Variants in ABCA3 observed in about 807,000 individuals in gnomAD.
The protein encoded by ABCA3 is phospholipid-transporting ATPase ABCA3.
Under a neutral mutation model 172.8 loss-of-function variants are expected in ABCA3, and 88 were observed. The observed-to-expected ratio is 0.51, with a 90% CI of 0.43 to 0.61. The LOEUF (loss-of-function observed/expected upper bound fraction) is 0.61, where lower values mean the gene tolerates loss of function less well. Among genes scored for constraint, ABCA3 ranks in the 20% least tolerant of loss-of-function variants. The pLI is 0.00. For synonymous variants in ABCA3, 1,066 were observed against 983.8 expected, an observed-to-expected ratio of 1.08 and a Z score of -1.56; for missense variants, 2,164 against 2,301.0, an observed-to-expected ratio of 0.94 and a Z score of 1.22.
Position 2,308,588 on chromosome 16 carries a change from A to C in ABCA3, c.1147T>G (p.Phe383Val). Residue 383 changes from phenylalanine to valine, a missense_variant, in exon 11 of 33, where the codon TTC (phenylalanine) becomes GTC (valine). Physicochemically the swap from Phe to Val is conservative, Grantham distance 50. Around this residue, in one of 3 missense-constraint regions of ABCA3, gnomAD observed 1,343 missense variants for 1,369.6 expected, o/e 0.98. Transcript: ENST00000301732. ...AAGAAGTAGGGGATGTAGGTGAAGA[A>C]GTAGAGGAAGCCTCCGAAGGCTGCT... ...MAAAFGGFLY[F>V]FTYIPYFFVA... 1 of 1,614,222 alleles carries C rather than the reference A, an allele frequency of 6.2e-7. No homozygotes were observed. The highest frequency in any genetic ancestry group is 8.5e-7 in the Non-Finnish European group (1 of 1,180,038).
Position 2,288,048 on chromosome 16 carries a change from TC to T in ABCA3, c.2981del (p.Gly994AspfsTer15). On this transcript the variant is annotated frameshift_variant, in exon 21 of 33. Coordinates refer to ENST00000301732, the MANE Select transcript of ABCA3 (RefSeq NM_001089.3). LOFTEE classifies it high-confidence loss of function. ...EHLKDALQAE[G>X]QEPREVLGDL... The stretch of plus-strand genomic sequence containing the variant: ...TACCGAGCACCTCGCGGGGCTCCTG[TC>T]CCTCAGCCTGCAGTGCGTCTTTCAG... 6.2e-7 allele frequency: 1 copy of T among 1,610,300 alleles called. No homozygotes were observed. Among genetic ancestry groups the T allele is most frequent in the Non-Finnish European group, 8.5e-7 (1 of 1,179,992 alleles).
intron 3 of ABCA3, among the ~76,000 whole-genome samples, chr16:2,326,960 C>G (rs1163458627): frequency 6.6e-6 from 1 of 152,132 alleles, no homozygotes; most frequent in Non-Finnish European, 1.5e-5. Context: ...TGCCCTCCAG[C>G]CTGGGGGCAA....
Position 2,276,360 on chromosome 16 carries a change from A to G in ABCA3, c.*314T>C. ...GAGTGCCTGGAGAAATTCAACCCCC[A>G]GCTCAGCTGCAGCCCTTCCTGGGTC... On this transcript the variant is annotated 3_prime_UTR_variant, in exon 33 of 33. Transcript: ENST00000301732. The G allele has an allele frequency of 1.9e-6, 1 of 517,724 alleles. No individual in the cohort carries two copies. The highest frequency in any genetic ancestry group is 3.7e-6 in the Non-Finnish European group (1 of 267,672). The allele number at this position is 517,724 out of a possible 1,614,324, so 32.1% of individuals were successfully genotyped here.
intron 13 of ABCA3, 106 bp downstream of exon 13, chr16:2,299,899 G>T (rs1361601987): frequency 5.2e-6 from 8 of 1,530,100 alleles, no homozygotes; most frequent in Non-Finnish European, 6.3e-6. Flanking sequence ...AGGGAGCAAG[G>T]CTCAGAGGGA....
chr16:2,290,589 G>A (rs186231437), intron 19 of ABCA3, among the ~76,000 whole-genome samples: 11 of 152,330 alleles, frequency 7.2e-5, no homozygotes, highest in African/African-American at 1.7e-4. Context: ...AGGCCAGCCC[G>A]TGGTTTCTTT....
chr16:2,284,176 G>A lies in ABCA3; in HGVS notation c.3862+103C>T. The stretch of plus-strand genomic sequence containing the variant: ...GTACAGAGGAACGCACCAGCCCCAG[G>A]CCACTCAGACGCAGAGGAGCCCCTG... On this transcript the variant is annotated intron_variant, in intron 25 of 32. Coordinates refer to ENST00000301732, the MANE Select transcript of ABCA3 (RefSeq NM_001089.3). The surrounding 1 kb of genome is among the most constrained non-coding windows in gnomAD (Gnocchi z 5.9). The A allele has an allele frequency of 7.1e-7, 1 of 1,411,960 alleles. No individual in the cohort carries two copies. The highest frequency in any genetic ancestry group is 9.5e-7 in the Non-Finnish European group (1 of 1,050,134). 87.5% of individuals were successfully genotyped at this position (1,411,960 alleles called of 1,614,324 possible). A position where few individuals can be genotyped will look rare whatever the true frequency, so the allele number is the denominator to read the frequency against.
At chr16:2,291,241 G>A (rs957306570) in intron 19 of ABCA3, among the ~76,000 whole-genome samples, 2 of 151,922 alleles carry the variant, frequency 1.3e-5, no homozygotes, top group African/African-American at 2.4e-5. Flanking sequence ...CAGGAGAATC[G>A]CTTGAATCTG....
In ABCA3 at chr16:2,285,054, G is replaced by C. The variant is rs2093660766; in HGVS notation, c.3484-56C>G. 2.4e-5 allele frequency: 37 copies of C among 1,567,630 alleles called. 1 individual carries two copies. In the South Asian group the frequency reaches 4.1e-4, roughly 17 times the overall value. Reference sequence around the variant, plus strand: ...ATGCCAAGCTGAGAGGAGCTCACGGGTAGGGAAGGGGTGAGAGGAGCATTT... The same window carrying C: ...ATGCCAAGCTGAGAGGAGCTCACGGCTAGGGAAGGGGTGAGAGGAGCATTT... On this transcript the variant is annotated intron_variant, in intron 23 of 32. Transcript: ENST00000301732. The surrounding 1 kb of genome is among the most constrained non-coding windows in gnomAD (Gnocchi z 4.7).
intron 5 of ABCA3, 24 bp from the exon 6 acceptor site, chr16:2,324,555 T>C: frequency 6.2e-7 from 1 of 1,606,950 alleles, no homozygotes; most frequent in Non-Finnish European, 8.5e-7. Flanking sequence ...GCACGGGAGC[T>C]GTGGTTGCCC....
intron 15 of ABCA3, 113 bp from the exon 16 acceptor site, chr16:2,298,034 G>A: frequency 2.5e-6 from 2 of 812,988 alleles, no homozygotes; most frequent in South Asian, 4.8e-5. Context: ...GAGATGCAGG[G>A]CTCCTGGCGG....
At chr16:2,317,470 A>G (rs1213377885) in intron 9 of ABCA3, 67 bp from the exon 10 acceptor site, 21 of 1,606,434 alleles carry the variant, frequency 1.3e-5, no homozygotes, top group Non-Finnish European at 1.7e-5. Context: ...ACTCCTGACC[A>G]TCCCTGGTCA....
chr16:2,318,428 G>C (rs770339724), intron 8 of ABCA3, among the ~76,000 whole-genome samples: 1 of 152,186 alleles, frequency 6.6e-6, no homozygotes, highest in Non-Finnish European at 1.5e-5. Flanking sequence ...ACGGCAGCCA[G>C]CAGCCAGGTG....
intron 18 of ABCA3, among the ~76,000 whole-genome samples, chr16:2,293,887 G>A (rs1023514005): frequency 8.6e-5 from 13 of 151,844 alleles, no homozygotes; most frequent in South Asian, 4.2e-4. Context: ...TCACTATGTC[G>A]CCCAAGCTGA....
At chr16:2,295,181 C>T (rs2093677737) in intron 18 of ABCA3, among the ~76,000 whole-genome samples, 1 of 152,118 alleles carries the variant, frequency 6.6e-6, no homozygotes, top group Non-Finnish European at 1.5e-5. Context: ...CAGTGATGAG[C>T]AGGTGGTAAC....
rs141744909 is a variant in ABCA3 at position 2,281,215 on chromosome 16, C to T, written c.4171G>A (p.Glu1391Lys). 168 of 1,613,368 alleles carry T rather than the reference C, an allele frequency of 1.0e-4. No individual in the cohort carries two copies. Among genetic ancestry groups the T allele is most frequent in the Non-Finnish European group, 1.3e-4 (158 of 1,179,962 alleles). The change falls in exon 28 of 33, where the codon GAG (glutamate) becomes AAG (lysine). Residue 1391 changes from glutamate (E) to lysine (K), a missense_variant. Coordinates refer to ENST00000301732, the MANE Select transcript of ABCA3 (RefSeq NM_001089.3). The surrounding 1 kb of genome is among the most constrained non-coding windows in gnomAD (Gnocchi z 4.7). ...ACGGCCAGGAGGGGCACCCGCTGCT[C>T]GTACACCTGCAGGCACCCAACAGAA... is the stretch of plus-strand genomic sequence containing the variant. Reference protein sequence around the residue: ...LIIKELSKVYEQRVPLLAVDR... With the variant: ...LIIKELSKVYKQRVPLLAVDR...
At position 2,284,880 on chromosome 16, in the gene ABCA3, A is replaced by T. The variant is rs138715261; in HGVS notation, c.3602T>A (p.Phe1201Tyr). Residue 1201 changes from phenylalanine (F) to tyrosine (Y), a missense_variant, in exon 24 of 33, where the codon TTC (phenylalanine) becomes TAC (tyrosine). By Grantham distance (22) the Phe-to-Tyr change is conservative. Transcript: ENST00000301732. This position sits in a 1 kb window ranked among gnomAD's most constrained non-coding sequence, Gnocchi z 5.9. Reference sequence around the variant, plus strand: ...GGCAGTGGCCGCCCCCAAGAAGAAGAAGTTCATCAGGTACATGAGGGGGAT... The same window carrying T: ...GGCAGTGGCCGCCCCCAAGAAGAAGTAGTTCATCAGGTACATGAGGGGGAT... ...AIIPLMYLMN[F>Y]FFLGAATAYT... 1.2e-4 allele frequency: 200 copies of T among 1,613,670 alleles called. No homozygotes were observed. The highest frequency in any genetic ancestry group is 8.0e-4 in the South Asian group (73 of 91,078).
chr16:2,331,058 T>G (rs562798746), intron 1 of ABCA3, among the ~76,000 whole-genome samples: 69 of 152,140 alleles, frequency 4.5e-4, no homozygotes, highest in Non-Finnish European at 1.3e-4. Context: ...GTCTGTCTTC[T>G]AACTACTACA....
In ABCA3 at chr16:2,285,132, G is replaced by A; in HGVS notation, c.3484-134C>T. 9.8e-7 allele frequency: 1 copy of A among 1,018,362 alleles called. No homozygotes were observed. The allele number at this position is 1,018,362 out of a possible 1,614,324, so 63.1% of individuals were successfully genotyped here. A position where few individuals can be genotyped will look rare whatever the true frequency, so the allele number is the denominator to read the frequency against. On this transcript the variant is annotated intron_variant, in intron 23 of 32. Coordinates refer to ENST00000301732, the MANE Select transcript of ABCA3 (RefSeq NM_001089.3). The surrounding 1 kb of genome is among the most constrained non-coding windows in gnomAD (Gnocchi z 4.7). Reference sequence around the variant, plus strand: ...CTGGCCCATGTCCATCAGCCCCACAGGCCACGTCTGGCCCCCGCGGTGGCT... The same window carrying A: ...CTGGCCCATGTCCATCAGCCCCACAAGCCACGTCTGGCCCCCGCGGTGGCT...
At chr16:2,319,301 C>A (rs1328407078) in intron 8 of ABCA3, among the ~76,000 whole-genome samples, 2 of 151,920 alleles carry the variant, frequency 1.3e-5, no homozygotes, top group African/African-American at 2.4e-5. Flanking sequence ...CTGGCTAACA[C>A]GGTGAAACCA....
Sources: gnomAD v4.1 joint callset for allele counts (sites outside exome capture counted in the v4.1 genomes callset) on GRCh38, gnomAD v4.1.1 for gene constraint, gnomAD v4.1.1 regional missense constraint, Gnocchi (gnomAD v3.1) non-coding constraint, MANE v1.5 for transcripts, NCBI Gene and HGNC (gene_info 2026-07-23, HGNC 2026-07-21) for gene names.